The following GLCCI1 variants were observed in gnomAD, a reference collection of about 807,000 sequenced individuals.
The protein encoded by GLCCI1 is glucocorticoid-induced transcript 1 protein.
GLCCI1 carries 24 observed loss-of-function variants against 52.2 expected under a neutral mutation model. That is an observed-to-expected ratio of 0.46 (90% CI 0.33 to 0.65). The LOEUF is 0.65. Ranked by LOEUF, GLCCI1 falls within the 30% of genes least tolerant of loss-of-function variation. GLCCI1 has a pLI of 0.02. For missense variants in GLCCI1, 704 were observed against 701.5 expected (o/e 1.00, Z -0.04); for synonymous variants, 310 against 276.5 (o/e 1.12, Z -1.20).
rs147242684 is a variant in GLCCI1 at position 8,041,646 on chromosome 7, G to A, written c.697-13787G>A. Among the ~76,000 whole-genome samples, 571 of 152,258 alleles carry A rather than the reference G, an allele frequency of 3.8e-3. 2 individuals are homozygous for A. The highest frequency in any genetic ancestry group is 5.8e-3 in the Non-Finnish European group (395 of 68,016). The stretch of plus-strand genomic sequence containing the variant: ...GTCTTGCTCTGTCACCCAGGCTGGA[G>A]TACAGTGGCATGATCGTAGCTCACT... On this transcript the variant is annotated intron_variant, in intron 3 of 7. Transcript: ENST00000223145.
At chr7:8,016,209 C>T (rs1781374941) in intron 2 of GLCCI1, among the ~76,000 whole-genome samples, 1 of 152,208 alleles carries the variant, frequency 6.6e-6, no homozygotes, top group Admixed American at 6.5e-5. Flanking sequence ...GTGGCTTACG[C>T]CTGTAATCCC....
chr7:7,969,982 A>T lies in GLCCI1; in HGVS notation c.457+175A>T. 1 of 873,098 alleles carries T rather than the reference A, an allele frequency of 1.1e-6. No individual in the cohort carries two copies. Among genetic ancestry groups the T allele is most frequent in the Non-Finnish European group, 1.4e-6 (1 of 693,836 alleles). 54.1% of individuals were successfully genotyped at this position (873,098 alleles called of 1,614,324 possible). On this transcript the variant is annotated intron_variant, in intron 1 of 7. Coordinates refer to ENST00000223145, the MANE Select transcript of GLCCI1 (RefSeq NM_138426.4). The surrounding 1 kb of genome is among the most constrained non-coding windows in gnomAD (Gnocchi z 4.9). ...TGGGGCTTGGAGGAGCGAACTGAAA[A>T]GCGACTTTTATTTGACCCTCATGCC...
chr7:8,021,258 A>G (rs1210820763), intron 2 of GLCCI1, among the ~76,000 whole-genome samples: 1 of 152,204 alleles, frequency 6.6e-6, no homozygotes, highest in Non-Finnish European at 1.5e-5. Context: ...CTTAATATAA[A>G]TGATACCTTT....
At chr7:8,046,766 T>A (rs1289128393) in intron 3 of GLCCI1, among the ~76,000 whole-genome samples, 3 of 152,202 alleles carry the variant, frequency 2.0e-5, no homozygotes, top group Non-Finnish European at 4.4e-5. Flanking sequence ...CTTGGCCACA[T>A]GTTCTCCTCA....
chr7:8,061,041 G>T (rs188312000), intron 5 of GLCCI1, among the ~76,000 whole-genome samples: 1 of 151,320 alleles, frequency 6.6e-6, no homozygotes, highest in African/African-American at 2.4e-5. Flanking sequence ...TATCATTGTG[G>T]TGTTAATTTG....
chr7:7,978,232 C>T (rs1048318565), intron 1 of GLCCI1, among the ~76,000 whole-genome samples: 8 of 152,122 alleles, frequency 5.3e-5, no homozygotes, highest in African/African-American at 1.7e-4. Flanking sequence ...AATAAGGTCT[C>T]TTTTTTGTGT....
At chr7:8,067,088 A>G (rs1477941643) in intron 5 of GLCCI1, among the ~76,000 whole-genome samples, 1 of 152,248 alleles carries the variant, frequency 6.6e-6, no homozygotes, top group Non-Finnish European at 1.5e-5. Flanking sequence ...ATATATATTT[A>G]GGATAGTTAG....
intron 6 of GLCCI1, among the ~76,000 whole-genome samples, chr7:8,082,639 G>A (rs981404732): frequency 6.6e-6 from 1 of 152,092 alleles, no homozygotes; most frequent in Admixed American, 6.6e-5. Context: ...AACCCTGCCT[G>A]TCTAGGATAG....
chr7:7,974,819 C>T (rs1583937026), intron 1 of GLCCI1, among the ~76,000 whole-genome samples: 1 of 152,206 alleles, frequency 6.6e-6, no homozygotes, highest in Non-Finnish European at 1.5e-5. Flanking sequence ...TTCCAGACAC[C>T]ACTAAGATAG....
intron 2 of GLCCI1, among the ~76,000 whole-genome samples, chr7:8,016,375 A>G (rs1781381341): frequency 6.6e-6 from 1 of 152,162 alleles, no homozygotes; most frequent in South Asian, 2.1e-4. Flanking sequence ...AGGCTGAGGC[A>G]GGAGAATGGC....
At chr7:8,076,366 A>G (rs547302862) in intron 6 of GLCCI1, among the ~76,000 whole-genome samples, 1 of 152,280 alleles carries the variant, frequency 6.6e-6, no homozygotes, top group East Asian at 1.9e-4. Context: ...TGGTGGTAAA[A>G]TTACAGCATA....
intron 5 of GLCCI1, among the ~76,000 whole-genome samples, chr7:8,065,717 T>C (rs567629397): frequency 1.7e-3 from 253 of 152,366 alleles, no homozygotes; most frequent in Admixed American, 3.4e-3. Context: ...TATGCATATG[T>C]TGAACCAACA....
intron 5 of GLCCI1, among the ~76,000 whole-genome samples, chr7:8,066,341 G>A (rs1782630813): frequency 1.3e-5 from 2 of 151,654 alleles, no homozygotes; most frequent in Admixed American, 1.3e-4. Flanking sequence ...ATTAATGCAG[G>A]GATTCGTTAA....
chr7:8,070,787 C>T, intron 5 of GLCCI1, 134 bp from the exon 6 acceptor site: 1 of 690,178 alleles, frequency 1.4e-6, no homozygotes. Context: ...AAGACACAAG[C>T]TTGGTCTTTA....
chr7:8,065,188 T>C (rs748961239), intron 5 of GLCCI1, among the ~76,000 whole-genome samples: 63 of 152,322 alleles, frequency 4.1e-4, no homozygotes, highest in Non-Finnish European at 7.9e-4. Flanking sequence ...GTGATTGTGT[T>C]CTGTATTTGT....
intron 3 of GLCCI1, among the ~76,000 whole-genome samples, chr7:8,040,461 G>A (rs536011892): frequency 5.5e-4 from 83 of 151,664 alleles, no homozygotes; most frequent in African/African-American, 1.9e-3. Flanking sequence ...CTGCACTCCA[G>A]CCTGGGTGGC....
At chr7:8,014,678 C>T (rs1186321959) in intron 2 of GLCCI1, among the ~76,000 whole-genome samples, 1 of 152,138 alleles carries the variant, frequency 6.6e-6, no homozygotes, top group Non-Finnish European at 1.5e-5. Context: ...ACCTAAGTAA[C>T]TTACTTACTA....
chr7:7,999,983 G>A (rs1466835326), intron 1 of GLCCI1, among the ~76,000 whole-genome samples: 2 of 152,112 alleles, frequency 1.3e-5, no homozygotes, highest in African/African-American at 4.8e-5. Context: ...TAAACTAAAA[G>A]GAGTTTTAAT....
chr7:8,037,063 T>C (rs533201026), intron 3 of GLCCI1, among the ~76,000 whole-genome samples: 75 of 150,924 alleles, frequency 5.0e-4, no homozygotes, highest in South Asian at 4.0e-3. Flanking sequence ...ATCCAAAAGA[T>C]ATATTGCAAG....
Sources: allele counts gnomAD v4.1 joint callset (sites outside exome capture counted in the v4.1 genomes callset), GRCh38; gene constraint gnomAD v4.1.1; non-coding constraint Gnocchi (gnomAD v3.1); transcripts MANE v1.5; gene names NCBI Gene and HGNC (gene_info 2026-07-23, HGNC 2026-07-21).